The following MAGI1 variants were observed in gnomAD, a reference collection of about 807,000 sequenced individuals.
MAGI1 encodes membrane-associated guanylate kinase, WW and PDZ domain-containing protein 1.
In MAGI1, 58 loss-of-function variants were observed where a neutral mutation model predicts 139.9. The ratio of observed to expected loss-of-function variants is 0.41; its 90% CI spans 0.34 to 0.52. The LOEUF (loss-of-function observed/expected upper bound fraction) is 0.52. Among genes scored for constraint, MAGI1 ranks in the 20% least tolerant of loss-of-function variants. The pLI is 0.12. For synonymous variants in MAGI1, 812 were observed against 737.9 expected, an observed-to-expected ratio of 1.10 and a Z score of -1.63; for missense variants, 1,874 against 1,901.6, an observed-to-expected ratio of 0.99 and a Z score of 0.27.
intron 1 of MAGI1, among the ~76,000 whole-genome samples, chr3:65,990,793 CCTTT>C (rs2066130394): frequency 6.6e-6 from 1 of 152,012 alleles, no homozygotes; most frequent in Non-Finnish European, 1.5e-5. Context: ...AAAATTATTT[CCTTT>C]CTAATTCTCT....
chr3:65,563,346 G>A (rs991368034), intron 2 of MAGI1, among the ~76,000 whole-genome samples: 2 of 152,200 alleles, frequency 1.3e-5, no homozygotes, highest in African/African-American at 4.8e-5. Flanking sequence ...CTTTCAAGGT[G>A]ACACTCAATG....
At chr3:65,618,484 T>C (rs1026416728) in intron 2 of MAGI1, among the ~76,000 whole-genome samples, 4 of 152,316 alleles carry the variant, frequency 2.6e-5, no homozygotes, top group East Asian at 3.9e-4. Flanking sequence ...TTTTAAGGTA[T>C]TGTGCCTTCC....
chr3:65,548,558 T>G (rs1199163662), intron 2 of MAGI1, among the ~76,000 whole-genome samples: 2 of 123,372 alleles, frequency 1.6e-5, no homozygotes, highest in African/African-American at 3.1e-5. Context: ...AGTCTCTCCC[T>G]CTCGCCCAGG....
chr3:66,001,502 T>C (rs1322061531), intron 1 of MAGI1, among the ~76,000 whole-genome samples: 1 of 152,058 alleles, frequency 6.6e-6, no homozygotes, highest in Non-Finnish European at 1.5e-5. Context: ...ATCTAAAATG[T>C]AAACACTTGA....
chr3:65,360,259 G>A (rs879930298), intron 22 of MAGI1: 30 of 984,932 alleles, frequency 3.0e-5, no homozygotes, highest in Non-Finnish European at 3.5e-5. Flanking sequence ...GGGGACCAAC[G>A]TATCTGGGGA....
At chr3:65,960,097 G>A (rs747165061) in intron 1 of MAGI1, among the ~76,000 whole-genome samples, 7 of 151,860 alleles carry the variant, frequency 4.6e-5, no homozygotes, top group Non-Finnish European at 1.0e-4. Context: ...GTGAGCCACC[G>A]CGCCCGGCCA....
intron 1 of MAGI1, among the ~76,000 whole-genome samples, chr3:65,985,252 G>T (rs1024991124): frequency 1.5e-4 from 23 of 152,206 alleles, no homozygotes; most frequent in Non-Finnish European, 1.5e-5. Flanking sequence ...TTATATGAAT[G>T]GGAGGTGGCA....
chr3:65,527,558 T>C (rs1038875270), intron 2 of MAGI1, among the ~76,000 whole-genome samples: 1 of 152,006 alleles, frequency 6.6e-6, no homozygotes, highest in African/African-American at 2.4e-5. Flanking sequence ...ACCCCGTCTC[T>C]ACTAAAAATA....
chr3:65,397,437 G>A (rs1289464236), intron 13 of MAGI1, among the ~76,000 whole-genome samples: 1 of 152,114 alleles, frequency 6.6e-6, no homozygotes, highest in East Asian at 1.9e-4. Flanking sequence ...CTGCTCTAAA[G>A]AGGCTGTTGA....
intron 1 of MAGI1, among the ~76,000 whole-genome samples, chr3:65,738,755 T>C (rs906544975): frequency 1.3e-5 from 2 of 152,156 alleles, no homozygotes; most frequent in African/African-American, 4.8e-5. Context: ...GCAGTAACAA[T>C]ACATTGAAAG....
chr3:65,730,296 T>C (rs2034055034), intron 1 of MAGI1, among the ~76,000 whole-genome samples: 1 of 151,274 alleles, frequency 6.6e-6, no homozygotes. Context: ...AACAATGCTA[T>C]AAAAAAAAAT....
intron 4 of MAGI1, among the ~76,000 whole-genome samples, chr3:65,474,798 T>C (rs1360967648): frequency 3.3e-5 from 5 of 152,142 alleles, no homozygotes; most frequent in African/African-American, 4.8e-5. Flanking sequence ...ATAAAGCTGA[T>C]GAACTTGATT....
chr3:65,822,924 T>G (rs532720493), intron 1 of MAGI1, among the ~76,000 whole-genome samples: 2 of 152,278 alleles, frequency 1.3e-5, no homozygotes, highest in East Asian at 3.9e-4. Flanking sequence ...GATTACAATT[T>G]GACATGAGAT....
At chr3:65,671,877 A>G (rs544999536) in intron 1 of MAGI1, among the ~76,000 whole-genome samples, 43 of 152,214 alleles carry the variant, frequency 2.8e-4, no homozygotes, top group African/African-American at 6.0e-4. Context: ...TACAACTCCA[A>G]TCCTCATAAG....
At position 65,429,798 on chromosome 3, in the gene MAGI1, G is replaced by C; in HGVS notation, c.1889C>G (p.Ser630Cys). ...CTGAGTGGCTATGGAGGAAGCCAAA[G>C]AAACAGTGTCATTAGGATAACCATG... ...SSHGYPNDTV[S>C]LASSIATQPE... Residue 630 changes from serine (S) to cysteine (C), a missense_variant, in exon 12 of 23, where the codon TCT becomes TGT. Ser to Cys is a moderately radical substitution (Grantham distance 112, BLOSUM62 -1). This residue lies in a region of MAGI1 where 482 missense variants were observed against 509.6 expected (regional missense o/e 0.95). Transcript: ENST00000402939. The C allele has an allele frequency of 1.9e-6, 3 of 1,613,994 alleles. No homozygotes were observed. Among genetic ancestry groups the C allele is most frequent in the Non-Finnish European group, 2.5e-6 (3 of 1,179,960 alleles).
At chr3:66,011,361 C>A (rs908953089) in intron 1 of MAGI1, among the ~76,000 whole-genome samples, 1 of 152,178 alleles carries the variant, frequency 6.6e-6, no homozygotes, top group Non-Finnish European at 1.5e-5. Context: ...TCCAAGCACA[C>A]CCACTTCCCA....
chr3:65,361,255 C>G lies in MAGI1; in HGVS notation c.3578G>C (p.Gly1193Ala). ...HSRAIELIKN[G>A]GRRVRLFLKR... ...CAGAAACAGACGAACTCTGCGGCCA[C>G]CATTCTTAATCAGTTCTATAGCTCG... Residue 1193 changes from glycine to alanine, a missense_variant, in exon 22 of 23, where the codon GGT (glycine) becomes GCT (alanine). Physicochemically the swap from Gly to Ala is moderately conservative, Grantham distance 60. Around this residue, in one of 5 missense-constraint regions of MAGI1, gnomAD observed 653 missense variants for 644.5 expected, o/e 1.01. Transcript: ENST00000402939. The G allele has an allele frequency of 6.2e-7, 1 of 1,614,164 alleles. No homozygotes were observed. The highest frequency in any genetic ancestry group is 8.5e-7 in the Non-Finnish European group (1 of 1,180,010).
At position 65,825,516 on chromosome 3, in the gene MAGI1, G is replaced by A. The variant is rs540298013; in HGVS notation, c.314-203428C>T. Among the ~76,000 whole-genome samples the A allele has an allele frequency of 5.3e-5, 8 of 152,186 alleles. No individual in the cohort carries two copies. In the South Asian group the frequency reaches 8.3e-4, roughly 16 times the overall value. Reference sequence around the variant, plus strand: ...ATAAATCAGAGCTCTTTCTTCCCTAGAGAGTCAGTAGTTAAATACTTCCTA... The same window carrying A: ...ATAAATCAGAGCTCTTTCTTCCCTAAAGAGTCAGTAGTTAAATACTTCCTA... On this transcript the variant is annotated intron_variant, in intron 1 of 22. Coordinates refer to ENST00000402939, the MANE Select transcript of MAGI1 (RefSeq NM_001033057.2).
intron 1 of MAGI1, among the ~76,000 whole-genome samples, chr3:65,640,220 C>A (rs528646164): frequency 2.6e-4 from 39 of 152,142 alleles, no homozygotes; most frequent in African/African-American, 9.4e-4. Flanking sequence ...CTCCTTCTCT[C>A]TATATATACA....
Sources: allele counts gnomAD v4.1 joint callset (sites outside exome capture counted in the v4.1 genomes callset), GRCh38; gene constraint gnomAD v4.1.1; regional missense constraint gnomAD v4.1.1; transcripts MANE v1.5; gene names NCBI Gene and HGNC (gene_info 2026-07-23, HGNC 2026-07-21).